RBM41: variants seen among roughly 807,000 people sequenced by gnomAD.
RBM41 encodes RNA-binding protein 41.
Under a neutral mutation model 30.8 loss-of-function variants are expected in RBM41, and 14 were observed. That is an observed-to-expected ratio of 0.45 (90% CI 0.30 to 0.71). The LOEUF (loss-of-function observed/expected upper bound fraction) is 0.71. RBM41 is among the 30% of genes least tolerant of loss of function. The pLI is 0.08. For missense variants in RBM41, 276 were observed against 326.3 expected (o/e 0.85, Z 1.19); for synonymous variants, 120 against 110.1 (o/e 1.09, Z -0.56).
In RBM41 at chrX:107,065,964, T is replaced by C. The variant is rs1342298288; in HGVS notation, c.*1563A>G. Among the ~76,000 whole-genome samples, 2 of 112,291 alleles carry C rather than the reference T, an allele frequency of 1.8e-5. No homozygotes were observed. The highest frequency in any genetic ancestry group is 3.8e-5 in the Non-Finnish European group (2 of 53,150). On this transcript the variant is annotated 3_prime_UTR_variant, in exon 8 of 8. Coordinates refer to ENST00000685964, the MANE Select transcript of RBM41 (RefSeq NM_001324242.2). ...CAGATTACTGTCTGTGGTCACTTGC[T>C]TTCAGGCTGAAGAACTTCCTTTTGT...
Position 107,076,312 on chromosome X carries a change from G to A in RBM41, c.1000-6910C>T, listed in dbSNP as rs751712800. On this transcript the variant is annotated intron_variant, in intron 6 of 7. Coordinates refer to ENST00000685964, the MANE Select transcript of RBM41 (RefSeq NM_001324242.2). The stretch of plus-strand genomic sequence containing the variant: ...AGCTCAGACGACAGTGCCAGACTCC[G>A]TCTCAAATAAATAAATAAATAAATA... 3.8e-4 allele frequency among the ~76,000 whole-genome samples: 36 copies of A among 93,530 alleles called. 1 individual carries two copies. The South Asian group carries it at 0.016, about 41-fold the overall frequency. The allele number at this position is 93,530 out of a possible 115,157, so 81.2% of individuals were successfully genotyped here.
At chrX:107,058,153 C>T (rs1044441030), downstream of RBM41, among the ~76,000 whole-genome samples, 2 of 109,305 alleles carry the variant, frequency 1.8e-5, no homozygotes, top group African/African-American at 6.7e-5. Context: ...ATTTGCCAGG[C>T]GTGGTGGCAC....
At chrX:107,060,550 G>A (rs1365573525), downstream of RBM41, among the ~76,000 whole-genome samples, 3 of 111,545 alleles carry the variant, frequency 2.7e-5, no homozygotes, top group Non-Finnish European at 1.9e-5. Flanking sequence ...CACTGAACCT[G>A]CCAACACCTT....
chrX:107,054,705 C>T, the RBM41 span, among the ~76,000 whole-genome samples: 1 of 111,756 alleles, frequency 8.9e-6, no homozygotes, highest in East Asian at 2.8e-4. Context: ...TCACTGAGGG[C>T]CCTGGTGCCT....
At chrX:107,067,783 T>C (rs1234190677) in intron 7 of RBM41, 90 bp from the exon 8 acceptor site, 13 of 1,015,848 alleles carry the variant, frequency 1.3e-5, no homozygotes, top group Non-Finnish European at 1.7e-5. Flanking sequence ...GCCTTGGAGT[T>C]AAATGTAAGC....
intron 5 of RBM41, among the ~76,000 whole-genome samples, chrX:107,107,363 T>C (rs1289310348): frequency 8.9e-6 from 1 of 111,872 alleles, no homozygotes; most frequent in Non-Finnish European, 1.9e-5. Context: ...AAGTTCTTGC[T>C]GATGGCAGTT....
At chrX:107,076,051 C>T (rs1232623157) in intron 6 of RBM41, among the ~76,000 whole-genome samples, 3 of 110,954 alleles carry the variant, frequency 2.7e-5, no homozygotes, top group Non-Finnish European at 3.8e-5. Context: ...GGTGTGGTGG[C>T]TCACGCCTGT....
At position 107,066,142 on chromosome X, in the gene RBM41, T is replaced by C. The variant is rs1288204883; in HGVS notation, c.*1385A>G. ...TCTTTGAACACTTTGAATGTGTTAT[T>C]CCACTGCCACTGCCATTGTTTCTGA... On this transcript the variant is annotated 3_prime_UTR_variant, in exon 8 of 8. Coordinates refer to ENST00000685964, the MANE Select transcript of RBM41 (RefSeq NM_001324242.2). Among the ~76,000 whole-genome samples, 1 of 112,287 alleles carries C rather than the reference T, an allele frequency of 8.9e-6. No individual in the cohort carries two copies. The highest frequency in any genetic ancestry group is 1.9e-5 in the Non-Finnish European group (1 of 53,201).
At chrX:107,080,080 T>C (rs1921366198) in intron 6 of RBM41, among the ~76,000 whole-genome samples, 1 of 111,648 alleles carries the variant, frequency 9.0e-6, no homozygotes, top group Admixed American at 9.6e-5. Flanking sequence ...AAAGCTACTA[T>C]GAACATTCAC....
At chrX:107,067,728 G>A (rs1356452798) in intron 7 of RBM41, 35 bp from the exon 8 acceptor site, 1 of 1,142,559 alleles carries the variant, frequency 8.8e-7, no homozygotes, top group Non-Finnish European at 1.2e-6. Flanking sequence ...ATTTACATAG[G>A]ACTTAATAAT....
intron 5 of RBM41, among the ~76,000 whole-genome samples, chrX:107,095,836 G>C (rs1433563194): frequency 2.7e-5 from 3 of 110,022 alleles, no homozygotes; most frequent in African/African-American, 3.3e-5. Context: ...AACACAGTGA[G>C]ACCCCATCTC....
At chrX:107,115,063 C>T in intron 4 of RBM41, 2 of 305,491 alleles carry the variant, frequency 6.5e-6, no homozygotes, top group Non-Finnish European at 1.1e-5. Flanking sequence ...CCCATTGATC[C>T]ATCAGGAGTT....
chrX:107,099,582 A>G (rs1303335025), intron 5 of RBM41, among the ~76,000 whole-genome samples: 1 of 111,300 alleles, frequency 9.0e-6, no homozygotes, highest in Non-Finnish European at 1.9e-5. Context: ...TGGCCAGTCA[A>G]TGTGTAAGAA....
intron 5 of RBM41, among the ~76,000 whole-genome samples, chrX:107,110,315 T>C (rs1220777714): frequency 9.0e-6 from 1 of 111,238 alleles, no homozygotes; most frequent in African/African-American, 3.3e-5. Flanking sequence ...TACATATAAA[T>C]GCACATACAT....
rs1320320474 is a variant in RBM41, at chrX:107,065,038, C to G, written c.*2489G>C. The G allele has an allele frequency of 2.7e-5, 3 of 111,727 alleles. No homozygotes were observed. Among genetic ancestry groups the G allele is most frequent in the Non-Finnish European group, 5.6e-5 (3 of 53,114 alleles). 9.2% of individuals were successfully genotyped at this position (111,727 alleles called of 1,213,427 possible). ...ACATTTTACTCTTTATCTCCAGTAA[C>G]ATTTTTTTAAGTCTATTTTGTCTGG... On this transcript the variant is annotated 3_prime_UTR_variant, in exon 8 of 8. Transcript: ENST00000685964.
chrX:107,070,372 T>C (rs1301632657), intron 6 of RBM41: 1 of 329,712 alleles, frequency 3.0e-6, no homozygotes, highest in Non-Finnish European at 5.9e-6. Context: ...AGAACGCTGG[T>C]AGTACCCTCG....
At chrX:107,094,067 G>A (rs1281556321) in intron 5 of RBM41, among the ~76,000 whole-genome samples, 1 of 111,916 alleles carries the variant, frequency 8.9e-6, no homozygotes, top group African/African-American at 3.2e-5. Flanking sequence ...GGGTGCATTA[G>A]TACTCAATAA....
Position 107,115,890 on chromosome X carries a change from A to T in RBM41, c.290T>A (p.Ile97Asn). 1 of 1,200,927 alleles carries T rather than the reference A, an allele frequency of 8.3e-7. No individual in the cohort carries two copies. Among genetic ancestry groups the T allele is most frequent in the African/African-American group, 1.7e-5 (1 of 57,501 alleles). Reference protein sequence around the residue: ...ELGLNETEILIWKSHVSGEKK... With the variant: ...ELGLNETEILNWKSHVSGEKK... ...TTCACCAGAAACATGGCTCTTCCAG[A>T]TCAAGATTTCTGTTTCATTAAGCCC... Residue 97 changes from isoleucine (I) to asparagine (N), a missense_variant, in exon 3 of 8, where the codon ATC becomes AAC. By Grantham distance (149) the Ile-to-Asn change is moderately radical (BLOSUM62 -3). Transcript: ENST00000685964.
At chrX:107,115,645 G>T in intron 3 of RBM41, 89 bp from the exon 4 acceptor site, 1 of 925,798 alleles carries the variant, frequency 1.1e-6, no homozygotes, top group Non-Finnish European at 1.5e-6. Flanking sequence ...GATGACCTAG[G>T]CCCAGAAATG....
Sources: gnomAD v4.1 joint callset for allele counts (sites outside exome capture counted in the v4.1 genomes callset) on GRCh38, gnomAD v4.1.1 for gene constraint, MANE v1.5 for transcripts, NCBI Gene and HGNC (gene_info 2026-07-23, HGNC 2026-07-21) for gene names.